Variants in LAMB3 observed in about 807,000 individuals in gnomAD.
LAMB3 encodes the protein laminin subunit beta-3.
In LAMB3, 104 loss-of-function variants were observed where a neutral mutation model predicts 140.3. That is an observed-to-expected ratio of 0.74 (90% CI 0.63 to 0.87). The LOEUF (loss-of-function observed/expected upper bound fraction) is 0.87. LAMB3 is among the 40% of genes least tolerant of loss of function. The pLI, the probability that LAMB3 is intolerant of heterozygous loss-of-function variation, is 0.00. For synonymous variants in LAMB3, 592 were observed against 602.9 expected, an observed-to-expected ratio of 0.98 and a Z score of 0.26; for missense variants, 1,531 against 1,575.2, an observed-to-expected ratio of 0.97 and a Z score of 0.47.
chr1:209,641,525 C>T (rs970750847), intron 3 of LAMB3, among the ~76,000 whole-genome samples: 1 of 152,190 alleles, frequency 6.6e-6, no homozygotes, highest in Admixed American at 6.5e-5. Flanking sequence ...CTCTCACTTC[C>T]ACTCGAAACT....
intron 9 of LAMB3, 128 bp downstream of exon 9, chr1:209,630,487 G>A (rs1666639702): frequency 1.9e-6 from 2 of 1,047,392 alleles, no homozygotes; most frequent in Admixed American, 2.0e-5. Flanking sequence ...AATTGTAATG[G>A]TGCAATTCAG....
At chr1:209,638,340 A>C (rs1331471618) in intron 4 of LAMB3, among the ~76,000 whole-genome samples, 194 bp downstream of exon 4, 1 of 151,866 alleles carries the variant, frequency 6.6e-6, no homozygotes, top group Non-Finnish European at 1.5e-5. Flanking sequence ...CCTTTCTTTC[A>C]CCTCCAATAA....
intron 3 of LAMB3, among the ~76,000 whole-genome samples, chr1:209,641,083 AAAAAAAAAAAAAAAATTT>A (rs1318192735): frequency 2.1e-5 from 1 of 47,682 alleles, no homozygotes; most frequent in East Asian, 2.2e-3. Flanking sequence ...ACTCTGTCTC[AAAAAAAAAAAAAAAATTT>A]AAAAAAAAAA....
chr1:209,618,319 G>A (rs1666059509), intron 19 of LAMB3, 133 bp downstream of exon 19: 1 of 973,290 alleles, frequency 1.0e-6, no homozygotes, highest in African/African-American at 1.6e-5. Context: ...TGGACTCTGT[G>A]TACCACTCTC....
rs753312879 is a variant in LAMB3, at chr1:209,623,434, G to A, written c.2358+71C>T. 13 of 1,448,856 alleles carry A rather than the reference G, an allele frequency of 9.0e-6. No individual in the cohort carries two copies. Among genetic ancestry groups the A allele is most frequent in the Non-Finnish European group, 1.3e-5 (13 of 1,029,620 alleles). The allele number at this position is 1,448,856 out of a possible 1,614,324, so 89.8% of individuals were successfully genotyped here. On this transcript the variant is annotated intron_variant, in intron 16 of 22. Coordinates refer to ENST00000356082, the MANE Select transcript of LAMB3 (RefSeq NM_000228.3). This position sits in a 1 kb window ranked among gnomAD's most constrained non-coding sequence, Gnocchi z 4.2. Reference sequence around the variant, plus strand: ...GGCAGATCTGCCCTAATAGGAAGCAGGTGGCAGCAGTTGGTGTGTGACAAG... The same window carrying A: ...GGCAGATCTGCCCTAATAGGAAGCAAGTGGCAGCAGTTGGTGTGTGACAAG...
At chr1:209,651,109 C>T in intron 1 of LAMB3, 128 bp from the exon 2 acceptor site, 1 of 718,262 alleles carries the variant, frequency 1.4e-6, no homozygotes, top group South Asian at 1.5e-5. Flanking sequence ...ATCTAGGACA[C>T]TTGGAGCAGC....
chr1:209,626,727 T>C, intron 13 of LAMB3, 140 bp downstream of exon 13: 1 of 716,982 alleles, frequency 1.4e-6, no homozygotes, highest in Non-Finnish European at 2.5e-6. Flanking sequence ...GTGTGTGCAC[T>C]CACAGGGCTG....
rs544531917 is a variant in LAMB3 at position 209,616,700 on chromosome 1, A to G, written c.3229-76T>C. Reference sequence around the variant, plus strand: ...AAGACCTGTGGCCAAAGCACTTGATATCACCCAAATCAATACACAGTGGGA... The same window carrying G: ...AAGACCTGTGGCCAAAGCACTTGATGTCACCCAAATCAATACACAGTGGGA... On this transcript the variant is annotated intron_variant, in intron 21 of 22. Coordinates refer to ENST00000356082, the MANE Select transcript of LAMB3 (RefSeq NM_000228.3). 1.9e-4 allele frequency: 273 copies of G among 1,406,518 alleles called. 1 individual carries two copies. In the South Asian group the frequency reaches 2.7e-3, roughly 14 times the overall value. 87.1% of individuals were successfully genotyped at this position (1,406,518 alleles called of 1,614,324 possible).
In LAMB3 at chr1:209,622,590, C is replaced by T; in HGVS notation, c.2647G>A (p.Glu883Lys). ...QVSASRSQME[E>K]DVRRTRLLIQ... ...AGGAGCCGTGTGCGTCTGACATCTT[C>T]CTCCATCTGGGAGCGGCTGGCGCTC... Residue 883 changes from glutamate (E) to lysine (K), a missense_variant, in exon 18 of 23, where the codon GAA (glutamate) becomes AAA (lysine). By Grantham distance (56) the Glu-to-Lys change is moderately conservative (BLOSUM62 1). Transcript: ENST00000356082. 6.2e-7 allele frequency: 1 copy of T among 1,614,110 alleles called. No individual in the cohort carries two copies. Among genetic ancestry groups the T allele is most frequent in the Non-Finnish European group, 8.5e-7 (1 of 1,180,008 alleles).
At chr1:209,651,504 A>G (rs994131928) in intron 1 of LAMB3, 6 of 162,212 alleles carry the variant, frequency 3.7e-5, no homozygotes, top group Non-Finnish European at 8.3e-5. Flanking sequence ...AATACCATTC[A>G]GGGCCACTTT....
intron 18 of LAMB3, 22 bp from the exon 19 acceptor site, chr1:209,618,681 A>C: frequency 6.2e-7 from 1 of 1,610,338 alleles, no homozygotes; most frequent in Non-Finnish European, 8.5e-7. Flanking sequence ...CACGCATTTG[A>C]CTGTAGGAGC....
rs1666728400 is a variant in LAMB3 at position 209,632,565 on chromosome 1, C to T, written c.822+18G>A. On this transcript the variant is annotated intron_variant, in intron 8 of 22. Transcript: ENST00000356082. Reference sequence around the variant, plus strand: ...GGTCCTGCCCCCTTCCTCTCCCCTTCCCACCCTAGGCTGTTACCTGCACAG... The same window carrying T: ...GGTCCTGCCCCCTTCCTCTCCCCTTTCCACCCTAGGCTGTTACCTGCACAG... 2 of 1,610,212 alleles carry T rather than the reference C, an allele frequency of 1.2e-6. No individual in the cohort carries two copies. Among genetic ancestry groups the T allele is most frequent in the African/African-American group, 1.3e-5 (1 of 74,852 alleles).
chr1:209,618,671 C>T lies in LAMB3; in HGVS notation c.2702-12G>A, dbSNP rs769402527. The T allele has an allele frequency of 1.2e-5, 18 of 1,461,700 alleles. 1 individual carries two copies. In the South Asian group the frequency reaches 2.1e-4, roughly 17 times the overall value. The allele number at this position is 1,461,700 out of a possible 1,614,324, so 90.5% of individuals were successfully genotyped here. ...ATCAGTGTCGGGGTCTGGAAGACAA[C>T]ACGCATTTGACTGTAGGAGCCCACT... On this transcript the variant is annotated splice_polypyrimidine_tract_variant and intron_variant, in intron 18 of 22. Transcript: ENST00000356082.
Position 209,630,562 on chromosome 1 carries a change from G to A in LAMB3, c.943+53C>T, listed in dbSNP as rs778855934. The A allele has an allele frequency of 4.4e-6, 7 of 1,608,394 alleles. No homozygotes were observed. In the Admixed American group the frequency reaches 1.2e-4, roughly 27 times the overall value. On this transcript the variant is annotated intron_variant, in intron 9 of 22. Coordinates refer to ENST00000356082, the MANE Select transcript of LAMB3 (RefSeq NM_000228.3). ...CAGGTGAGATCATCAAGGCCTAGAGGGGCCAGCACTCGACCCAGACCCTAC... is the reference window on the plus strand; with the variant it reads ...CAGGTGAGATCATCAAGGCCTAGAGAGGCCAGCACTCGACCCAGACCCTAC...
chr1:209,617,869 AT>A, intron 20 of LAMB3, 37 bp downstream of exon 20: 2 of 1,613,794 alleles, frequency 1.2e-6, no homozygotes, highest in Non-Finnish European at 1.7e-6. Context: ...TTTCCTGTTT[AT>A]GCCCAAATAT....
chr1:209,628,309 G>T, intron 10 of LAMB3, 119 bp from the exon 11 acceptor site: 1 of 1,163,966 alleles, frequency 8.6e-7, no homozygotes, highest in East Asian at 2.6e-5. Flanking sequence ...CAAATTCACA[G>T]CCTTAGTCAA....
rs1257961437 is a variant in LAMB3, at chr1:209,622,606, G to T, written c.2631C>A (p.Ser877Arg). ...TGACATCTTCCTCCATCTGGGAGCGGCTGGCGCTCACCTGGGTCTCCAAGC... is the reference window on the plus strand; with the variant it reads ...TGACATCTTCCTCCATCTGGGAGCGTCTGGCGCTCACCTGGGTCTCCAAGC... Reference protein sequence around the residue: ...AQRLETQVSASRSQMEEDVRR... With the variant: ...AQRLETQVSARRSQMEEDVRR... Residue 877 changes from serine to arginine, a missense_variant, in exon 18 of 23, where the codon AGC becomes AGA. Ser to Arg is a moderately radical substitution (Grantham distance 110). Transcript: ENST00000356082. 6.2e-7 allele frequency: 1 copy of T among 1,614,130 alleles called. No individual in the cohort carries two copies. The highest frequency in any genetic ancestry group is 1.1e-5 in the South Asian group (1 of 91,084).
intron 3 of LAMB3, among the ~76,000 whole-genome samples, chr1:209,644,121 G>A (rs947461150): frequency 3.9e-5 from 6 of 152,174 alleles, no homozygotes; most frequent in Admixed American, 6.5e-5. Flanking sequence ...AGAACCCACC[G>A]CAGTTCAAAA....
chr1:209,638,784 A>G (rs1261542545), intron 3 of LAMB3, 136 bp from the exon 4 acceptor site: 1 of 693,326 alleles, frequency 1.4e-6, no homozygotes, highest in Non-Finnish European at 2.6e-6. Context: ...TACAATTTGA[A>G]GGGTTAATCT....
Sources: gnomAD v4.1 joint callset for allele counts (sites outside exome capture counted in the v4.1 genomes callset) on GRCh38, gnomAD v4.1.1 for gene constraint, Gnocchi (gnomAD v3.1) non-coding constraint, MANE v1.5 for transcripts, NCBI Gene and HGNC (gene_info 2026-07-23, HGNC 2026-07-21) for gene names.